The following ST6GALNAC3 variants were observed in gnomAD, a reference collection of about 807,000 sequenced individuals.
The protein encoded by ST6GALNAC3 is ST6 N-acetylgalactosaminide alpha-2,6-sialyltransferase 3, also known as alpha-N-acetylgalactosaminide alpha-2,6-sialyltransferase 3.
In ST6GALNAC3, 25 loss-of-function variants were observed where a neutral mutation model predicts 32.7. That is an observed-to-expected ratio of 0.76 (90% CI 0.56 to 1.07). The LOEUF (loss-of-function observed/expected upper bound fraction) is 1.07, where lower values mean the gene tolerates loss of function less well. Ranked by LOEUF, ST6GALNAC3 falls within the 50% of genes least tolerant of loss-of-function variation. The pLI, the probability that ST6GALNAC3 is intolerant of heterozygous loss-of-function variation, is 0.00. For synonymous variants in ST6GALNAC3, 129 were observed against 133.1 expected (o/e 0.97, Z 0.21); for missense variants, 355 against 382.4 (o/e 0.93, Z 0.60).
At chr1:76,162,275 CA>C (rs1651859078) in intron 1 of ST6GALNAC3, among the ~76,000 whole-genome samples, 2 of 152,196 alleles carry the variant, frequency 1.3e-5, no homozygotes, top group South Asian at 4.1e-4. Flanking sequence ...TGGCATATGG[CA>C]GGTACTCAAG....
intron 1 of ST6GALNAC3, among the ~76,000 whole-genome samples, chr1:76,266,865 A>G (rs957161622): frequency 2.6e-5 from 4 of 152,178 alleles, no homozygotes; most frequent in Non-Finnish European, 4.4e-5. Flanking sequence ...CCACAATCTC[A>G]GGCCCAGCTG....
chr1:76,134,053 A>G (rs149631740), intron 1 of ST6GALNAC3, among the ~76,000 whole-genome samples: 3 of 152,298 alleles, frequency 2.0e-5, no homozygotes, highest in Non-Finnish European at 4.4e-5. Flanking sequence ...TTCACCGTAT[A>G]CCCAGAACAG....
At chr1:76,453,525 C>T (rs1398971194) in intron 3 of ST6GALNAC3, among the ~76,000 whole-genome samples, 3 of 152,034 alleles carry the variant, frequency 2.0e-5, no homozygotes, top group Non-Finnish European at 4.4e-5. Context: ...ATCTTGATTT[C>T]ATTGTTGACC....
At chr1:76,112,408 C>G (rs1403425558) in intron 1 of ST6GALNAC3, among the ~76,000 whole-genome samples, 1 of 145,786 alleles carries the variant, frequency 6.9e-6, no homozygotes, top group East Asian at 2.1e-4. Context: ...GGGCGGCTGG[C>G]CGGGCGGGGG....
chr1:76,510,530 A>AT (rs1407564775), intron 3 of ST6GALNAC3, among the ~76,000 whole-genome samples: 1 of 152,198 alleles, frequency 6.6e-6, no homozygotes, highest in Non-Finnish European at 1.5e-5. Flanking sequence ...TAGAAAGTGA[A>AT]GACAGAGTAT....
chr1:76,598,442 C>A (rs1487799821), intron 3 of ST6GALNAC3, among the ~76,000 whole-genome samples: 1 of 152,122 alleles, frequency 6.6e-6, no homozygotes, highest in Non-Finnish European at 1.5e-5. Context: ...GGTACCAAAG[C>A]AAGGACTGGA....
chr1:76,092,178 C>A (rs1307218523), intron 1 of ST6GALNAC3, among the ~76,000 whole-genome samples: 1 of 152,170 alleles, frequency 6.6e-6, no homozygotes, highest in Non-Finnish European at 1.5e-5. Flanking sequence ...ATAAAAATGT[C>A]TCTTGGATCA....
chr1:76,472,414 A>G (rs891613305), intron 3 of ST6GALNAC3, among the ~76,000 whole-genome samples: 2 of 152,122 alleles, frequency 1.3e-5, no homozygotes, highest in African/African-American at 2.4e-5. Context: ...GACAACTAGA[A>G]TGGCCTTGGT....
intron 1 of ST6GALNAC3, among the ~76,000 whole-genome samples, chr1:76,098,776 A>C (rs1194563526): frequency 6.6e-6 from 1 of 152,104 alleles, no homozygotes; most frequent in African/African-American, 2.4e-5. Context: ...CAATTATACT[A>C]CAGCCTATTT....
intron 1 of ST6GALNAC3, among the ~76,000 whole-genome samples, chr1:76,079,150 C>T (rs985060382): frequency 4.6e-5 from 7 of 152,268 alleles, no homozygotes; most frequent in African/African-American, 1.7e-4. Context: ...GTCAGATTCT[C>T]TGTTTTCAGC....
chr1:76,183,851 A>AATATATATATATATATATAT (rs71071991), intron 1 of ST6GALNAC3, among the ~76,000 whole-genome samples: 1,832 of 117,500 alleles, frequency 0.016, 35 homozygotes, highest in African/African-American at 0.028. Context: ...GTAGTGCATG[A>AATATATATATATATATATAT]ATATATATAT....
chr1:76,115,434 A>G (rs966301633), intron 1 of ST6GALNAC3, among the ~76,000 whole-genome samples: 12 of 152,334 alleles, frequency 7.9e-5, no homozygotes, highest in African/African-American at 2.9e-4. Flanking sequence ...CCAAAGCCAT[A>G]CTTAGTATTA....
intron 3 of ST6GALNAC3, among the ~76,000 whole-genome samples, chr1:76,591,968 C>T (rs1334600764): frequency 2.6e-5 from 4 of 152,128 alleles, no homozygotes; most frequent in Non-Finnish European, 4.4e-5. Flanking sequence ...GTGGATCAAA[C>T]ATAGCATGCA....
intron 1 of ST6GALNAC3, among the ~76,000 whole-genome samples, chr1:76,145,995 T>G (rs1053038520): frequency 6.6e-6 from 1 of 152,232 alleles, no homozygotes; most frequent in Non-Finnish European, 1.5e-5. Flanking sequence ...GCTTACTAGG[T>G]CTTTGCTTTT....
intron 3 of ST6GALNAC3, among the ~76,000 whole-genome samples, chr1:76,496,721 G>T (rs1660870271): frequency 6.6e-6 from 1 of 152,152 alleles, no homozygotes; most frequent in Non-Finnish European, 1.5e-5. Flanking sequence ...TCCCAGCAGT[G>T]AAGGTTCCTT....
intron 1 of ST6GALNAC3, among the ~76,000 whole-genome samples, chr1:76,157,267 T>A (rs1464798027): frequency 6.6e-6 from 1 of 152,254 alleles, no homozygotes; most frequent in Non-Finnish European, 1.5e-5. Flanking sequence ...CTTAAGCTGT[T>A]ACATGTCTCC....
At chr1:76,077,077 A>G (rs1409019250) in intron 1 of ST6GALNAC3, among the ~76,000 whole-genome samples, 2 of 152,198 alleles carry the variant, frequency 1.3e-5, no homozygotes, top group East Asian at 1.9e-4. Context: ...TTGAAAAGCT[A>G]CACATGGAGC....
intron 3 of ST6GALNAC3, among the ~76,000 whole-genome samples, chr1:76,453,487 A>G (rs1437387488): frequency 1.3e-5 from 2 of 152,088 alleles, no homozygotes; most frequent in South Asian, 2.1e-4. Flanking sequence ...CACTATTATC[A>G]TTCAATTCAA....
At chr1:76,350,449 T>C (rs904454335) in intron 2 of ST6GALNAC3, among the ~76,000 whole-genome samples, 2 of 152,210 alleles carry the variant, frequency 1.3e-5, no homozygotes, top group African/African-American at 4.8e-5. Flanking sequence ...TTTAAAGGAA[T>C]AACTACTGAC....
Sources: gnomAD v4.1 joint callset for allele counts (sites outside exome capture counted in the v4.1 genomes callset) on GRCh38, gnomAD v4.1.1 for gene constraint, MANE v1.5 for transcripts, NCBI Gene and HGNC (gene_info 2026-07-23, HGNC 2026-07-21) for gene names.